MIER1: variants seen among roughly 807,000 people sequenced by gnomAD.
MIER1 encodes MIER1 transcriptional regulator.
Under a neutral mutation model 75.7 loss-of-function variants are expected in MIER1, and 40 were observed. The ratio of observed to expected loss-of-function variants is 0.53; its 90% confidence interval spans 0.41 to 0.69. The LOEUF (loss-of-function observed/expected upper bound fraction) is 0.69, where lower values mean the gene tolerates loss of function less well. Among genes scored for constraint, MIER1 ranks in the 30% least tolerant of loss-of-function variants. The pLI is 0.00. For missense variants in MIER1, 574 were observed against 680.2 expected, an observed-to-expected ratio of 0.84 and a Z score of 1.74; for synonymous variants, 213 against 223.4, an observed-to-expected ratio of 0.95 and a Z score of 0.42.
chr1:66,925,044 T>G lies in MIER1; in HGVS notation c.16T>G (p.Ser6Ala). The G allele has an allele frequency of 6.5e-7, 1 of 1,549,622 alleles. No individual in the cohort carries two copies. Among genetic ancestry groups the G allele is most frequent in the Non-Finnish European group, 8.7e-7 (1 of 1,146,192 alleles). Reference protein sequence around the residue: MDGASSGGGGSSEGGG... With the variant: MDGASAGGGGSSEGGG... ...CTGCAGGCGGATGGATGGGGCTTCT[T>G]CAGGCGGTGGCGGCAGCAGCGAAGG... Residue 6 changes from serine (S) to alanine (A), a missense_variant, in exon 1 of 14, where the codon TCA becomes GCA. By Grantham distance (99) the Ser-to-Ala change is moderately conservative. This residue lies in a region of MIER1 where 309 missense variants were observed against 352.8 expected (regional missense o/e 0.88). Coordinates refer to ENST00000401041, the MANE Select transcript of MIER1 (RefSeq NM_001077700.3).
intron 6 of MIER1, among the ~76,000 whole-genome samples, chr1:66,959,310 C>CT (rs1570360536): frequency 6.6e-6 from 1 of 151,836 alleles, no homozygotes. Context: ...GCCTCTTAGC[C>CT]TTTTTTAGGT....
chr1:66,940,819 A>G (rs1225809413), intron 3 of MIER1, among the ~76,000 whole-genome samples: 2 of 152,204 alleles, frequency 1.3e-5, no homozygotes, highest in East Asian at 3.8e-4. Context: ...CAGTGAGGAA[A>G]GAGTCAAGTA....
intron 4 of MIER1, among the ~76,000 whole-genome samples, chr1:66,953,968 A>G (rs1027748744): frequency 2.0e-5 from 3 of 152,164 alleles, no homozygotes; most frequent in African/African-American, 7.2e-5. Flanking sequence ...AAGCCCATCT[A>G]AAAATAACGT....
chr1:66,958,231 A>G lies in MIER1; in HGVS notation c.501+11A>G, dbSNP rs533126366. 6 of 1,580,690 alleles carry G rather than the reference A, an allele frequency of 3.8e-6. No homozygotes were observed. The highest frequency in any genetic ancestry group is 2.7e-5 in the African/African-American group (2 of 73,882). ...AGTGGGGAAAATAAAGTAAGTCTAT[A>G]TACATATATTTAAGATTGTAGTCTT... is the stretch of plus-strand genomic sequence containing the variant. On this transcript the variant is annotated intron_variant, in intron 5 of 13. Transcript: ENST00000401041.
rs140770683 is a variant in MIER1 at position 66,930,876 on chromosome 1, C to G, written c.168+4634C>G. 6.0e-3 allele frequency among the ~76,000 whole-genome samples: 909 copies of G among 152,212 alleles called. 7 individuals carry two copies. Among genetic ancestry groups the G allele is most frequent in the African/African-American group, 0.02 (848 of 41,512 alleles). On this transcript the variant is annotated intron_variant, in intron 2 of 13. Coordinates refer to ENST00000401041, the MANE Select transcript of MIER1 (RefSeq NM_001077700.3). ...CGTAAGGCTGACGGCCTTTGATTAA[C>G]TCTGTAATTTTCATGATCGTGGTAA...
chr1:66,978,093 G>A (rs1665099783), intron 12 of MIER1, among the ~76,000 whole-genome samples: 1 of 151,616 alleles, frequency 6.6e-6, no homozygotes, highest in Admixed American at 6.6e-5. Flanking sequence ...CTACTCGGGA[G>A]ACTGAGGCAG....
chr1:66,957,129 G>A (rs772210325), intron 4 of MIER1, among the ~76,000 whole-genome samples: 81 of 152,240 alleles, frequency 5.3e-4, no homozygotes, highest in Middle Eastern at 6.8e-3. Flanking sequence ...ACATGATTTG[G>A]ATTAAATTTT....
chr1:66,938,857 C>T (rs1388703645), intron 2 of MIER1, among the ~76,000 whole-genome samples: 4 of 151,930 alleles, frequency 2.6e-5, no homozygotes, highest in Non-Finnish European at 5.9e-5. Flanking sequence ...AAAAAGTGTG[C>T]CACAAAAGAA....
chr1:66,971,809 A>G, intron 10 of MIER1, 73 bp downstream of exon 10: 2 of 759,104 alleles, frequency 2.6e-6, no homozygotes, highest in Non-Finnish European at 4.4e-6. Context: ...TTACCTAGGT[A>G]TAGCCTAAAC....
At chr1:66,967,151 A>G (rs1222835272) in intron 8 of MIER1, among the ~76,000 whole-genome samples, 6 of 152,168 alleles carry the variant, frequency 3.9e-5, no homozygotes, top group Non-Finnish European at 8.8e-5. Context: ...GAGGTCTTAG[A>G]TGTAAGTCTT....
rs766239747 is a variant in MIER1, at chr1:66,970,908, G to C, written c.873G>C (p.Glu291Asp). ...ATGCATCTAGAAGAACAGGTGATGA[G>C]AAGGGTGTAGAAGCAATTCCTGAAG... is the stretch of plus-strand genomic sequence containing the variant. ...LKDASRRTGD[E>D]KGVEAIPEGS... Residue 291 changes from glutamate to aspartate, a missense_variant, in exon 9 of 14, where the codon GAG becomes GAC. Glu to Asp is a conservative substitution (Grantham distance 45). This residue lies in a region of MIER1 where 101 missense variants were observed against 173.1 expected (regional missense o/e 0.58). Coordinates refer to ENST00000401041, the MANE Select transcript of MIER1 (RefSeq NM_001077700.3). The C allele has an allele frequency of 1.3e-6, 2 of 1,589,120 alleles. No individual in the cohort carries two copies. The highest frequency in any genetic ancestry group is 2.7e-5 in the African/African-American group (2 of 73,006).
intron 4 of MIER1, among the ~76,000 whole-genome samples, chr1:66,948,753 A>G (rs1658239480): frequency 6.6e-6 from 1 of 152,094 alleles, no homozygotes; most frequent in Admixed American, 6.5e-5. Flanking sequence ...AAAAAGGTTA[A>G]TTAGGCATGG....
chr1:66,984,527 A>G, intron 13 of MIER1, 45 bp from the exon 14 acceptor site: 5 of 1,412,732 alleles, frequency 3.5e-6, no homozygotes, highest in Non-Finnish European at 4.8e-6. Context: ...TTGCAAATTT[A>G]ACTTTTTTCT....
intron 8 of MIER1, among the ~76,000 whole-genome samples, chr1:66,963,710 C>T (rs543027752): frequency 6.6e-6 from 1 of 152,162 alleles, no homozygotes; most frequent in Admixed American, 6.5e-5. Context: ...GAGTTCGAGA[C>T]CAGCCTGACC....
chr1:66,967,377 A>C (rs1218615719), intron 8 of MIER1, among the ~76,000 whole-genome samples: 5 of 152,186 alleles, frequency 3.3e-5, no homozygotes, highest in African/African-American at 1.2e-4. Flanking sequence ...ATGCCAGTAC[A>C]TGCTGTTTTA....
chr1:66,979,650 T>C (rs572993508), intron 12 of MIER1, among the ~76,000 whole-genome samples: 10 of 152,260 alleles, frequency 6.6e-5, no homozygotes, highest in Non-Finnish European at 1.2e-4. Flanking sequence ...TTCTGGATGC[T>C]ATTAATCTTT....
chr1:66,937,532 C>T (rs1256160282), intron 2 of MIER1, among the ~76,000 whole-genome samples: 1 of 151,962 alleles, frequency 6.6e-6, no homozygotes, highest in Non-Finnish European at 1.5e-5. Context: ...CTGCAGTGAG[C>T]CAAGATCATG....
At chr1:66,945,718 T>C (rs902119327) in intron 3 of MIER1, among the ~76,000 whole-genome samples, 5 of 152,166 alleles carry the variant, frequency 3.3e-5, no homozygotes, top group African/African-American at 1.2e-4. Context: ...ATTAAAAAAT[T>C]AGCTGTGTGT....
chr1:66,931,794 GT>G (rs968112305), intron 2 of MIER1, among the ~76,000 whole-genome samples: 11 of 152,020 alleles, frequency 7.2e-5, no homozygotes, highest in Non-Finnish European at 2.9e-5. Flanking sequence ...ATTCTTAAGT[GT>G]TTGTTTCCTT....
Sources: gnomAD v4.1 joint callset for allele counts (sites outside exome capture counted in the v4.1 genomes callset) on GRCh38, gnomAD v4.1.1 for gene constraint, gnomAD v4.1.1 regional missense constraint, MANE v1.5 for transcripts, NCBI Gene and HGNC (gene_info 2026-07-23, HGNC 2026-07-21) for gene names.